Variants in TMEM237 observed in about 807,000 individuals in gnomAD.
TMEM237 encodes amyotrophic lateral sclerosis 2 (juvenile) chromosome region, candidate 4.
A neutral mutation model predicts 59.1 loss-of-function variants in TMEM237; 51 were observed. The observed-to-expected ratio is 0.86, with a 90% CI of 0.69 to 1.09. The LOEUF is 1.09. TMEM237 is among the 50% of genes least tolerant of loss of function. The pLI, the probability that TMEM237 is intolerant of heterozygous loss-of-function variation, is 0.00. For synonymous variants in TMEM237, 140 were observed against 166.1 expected (o/e 0.84, Z 1.21); for missense variants, 475 against 478.3 (o/e 0.99, Z 0.06).
At chr2:201,642,474 C>G (rs1306669840) in intron 1 of TMEM237, 1 of 991,844 alleles carries the variant, frequency 1.0e-6, no homozygotes, top group East Asian at 2.9e-5. Context: ...GGGCTCTGTT[C>G]ACGTAACTGA....
chr2:201,633,763 C>T lies in TMEM237; in HGVS notation c.275-332G>A, dbSNP rs114081790. Among the ~76,000 whole-genome samples, 321 of 152,268 alleles carry T rather than the reference C, an allele frequency of 2.1e-3. 1 individual carries two copies. The highest frequency in any genetic ancestry group is 7.3e-3 in the African/African-American group (305 of 41,554). The stretch of plus-strand genomic sequence containing the variant: ...TCACACTCACAATTATGGTTTACTA[C>T]AGCAAATGGATATAAAGCAAAATCA... On this transcript the variant is annotated intron_variant, in intron 5 of 12. Transcript: ENST00000409883.
intron 4 of TMEM237, among the ~76,000 whole-genome samples, chr2:201,637,675 G>A (rs946106939): frequency 2.0e-5 from 3 of 151,230 alleles, no homozygotes; most frequent in Admixed American, 1.3e-4. Flanking sequence ...AACCCAGGAG[G>A]TGGAGGTTGC....
At chr2:201,632,669 C>T (rs991045652) in intron 6 of TMEM237, among the ~76,000 whole-genome samples, 1 of 152,158 alleles carries the variant, frequency 6.6e-6, no homozygotes, top group Non-Finnish European at 1.5e-5. Context: ...GTTTGCTTCA[C>T]CTTCCACCAT....
chr2:201,626,450 A>G (rs1957759610), intron 11 of TMEM237: 1 of 188,924 alleles, frequency 5.3e-6, no homozygotes, highest in South Asian at 1.6e-4. Flanking sequence ...TCCTCAATAA[A>G]GTATCTTTGC....
intron 6 of TMEM237, among the ~76,000 whole-genome samples, chr2:201,632,759 G>A (rs1957819007): frequency 6.6e-6 from 1 of 152,186 alleles, no homozygotes; most frequent in Admixed American, 6.5e-5. Flanking sequence ...AAATTATCCA[G>A]TCTCGGGTAT....
chr2:201,628,463 C>T (rs1399075934), intron 9 of TMEM237, among the ~76,000 whole-genome samples: 4 of 152,002 alleles, frequency 2.6e-5, no homozygotes, highest in Non-Finnish European at 5.9e-5. Context: ...GGCTCTAACT[C>T]GGTGGATTTT....
intron 6 of TMEM237, among the ~76,000 whole-genome samples, chr2:201,633,025 T>C (rs1687208372): frequency 1.3e-5 from 2 of 152,184 alleles, no homozygotes; most frequent in Admixed American, 1.3e-4. Context: ...ATCCTTAATG[T>C]TTAATTTTGC....
Position 201,635,304 on chromosome 2 carries a change from A to AG in TMEM237, c.274+1443dup, listed in dbSNP as rs1687275791. On this transcript the variant is annotated intron_variant, in intron 5 of 12. Coordinates refer to ENST00000409883, the MANE Select transcript of TMEM237 (RefSeq NM_001044385.3). The surrounding 1 kb of genome is among the most constrained non-coding windows in gnomAD (Gnocchi z 4.5). ...TTGCAGATGAAATCAAGTTAAGATGAGGTCATGCTAGATTGGAATGGGCCC... is the reference window on the plus strand; with the variant it reads ...TTGCAGATGAAATCAAGTTAAGATGAGGGTCATGCTAGATTGGAATGGGCCC... Among the ~76,000 whole-genome samples the AG allele has an allele frequency of 6.6e-6, 1 of 152,232 alleles. No individual in the cohort carries two copies.
At position 201,623,239 on chromosome 2, in the gene TMEM237, C is replaced by A; in HGVS notation, c.*1016G>T. 2.3e-6 allele frequency: 1 copy of A among 437,390 alleles called. No homozygotes were observed. The highest frequency in any genetic ancestry group is 1.6e-5 in the South Asian group (1 of 60,726). 27.1% of individuals were successfully genotyped at this position (437,390 alleles called of 1,614,324 possible). ...GGCTCAATAGTTTTATTGATGTGCTCAACAGCCTTTGAAACATTTTTTCCC... is the reference window on the plus strand; with the variant it reads ...GGCTCAATAGTTTTATTGATGTGCTAAACAGCCTTTGAAACATTTTTTCCC... On this transcript the variant is annotated 3_prime_UTR_variant, in exon 13 of 13. Coordinates refer to ENST00000409883, the MANE Select transcript of TMEM237 (RefSeq NM_001044385.3).
Position 201,628,060 on chromosome 2 carries a change from T to TA in TMEM237, c.943+15dup, listed in dbSNP as rs1486953270. The TA allele has an allele frequency of 3.8e-6, 6 of 1,595,526 alleles. No homozygotes were observed. The highest frequency in any genetic ancestry group is 1.7e-4 in the Middle Eastern group (1 of 6,046). ...CTGAAGTATTACACAGTTATCATGT[T>TA]AAACTGCTTACTCACAGAAAGATGC... On this transcript the variant is annotated intron_variant, in intron 10 of 12. Coordinates refer to ENST00000409883, the MANE Select transcript of TMEM237 (RefSeq NM_001044385.3).
rs562340433 is a variant in TMEM237, at chr2:201,624,687, C to T, written c.1160-365G>A. Among the ~76,000 whole-genome samples the T allele has an allele frequency of 5.3e-5, 8 of 152,228 alleles. No homozygotes were observed. In the East Asian group the frequency reaches 1.2e-3, roughly 22 times the overall value. On this transcript the variant is annotated intron_variant, in intron 12 of 12. Transcript: ENST00000409883. ...TCATCTGAAACATAGGGGACAGATA[C>T]AGAGGAAGGACTTGGAACTAACAAG...
intron 1 of TMEM237, among the ~76,000 whole-genome samples, chr2:201,641,135 G>A (rs905091197): frequency 6.6e-6 from 1 of 152,208 alleles, no homozygotes; most frequent in Non-Finnish European, 1.5e-5. Context: ...GGGATTACAG[G>A]CACCCACCAC....
At chr2:201,627,528 A>G in intron 10 of TMEM237, 114 bp from the exon 11 acceptor site, 1 of 667,850 alleles carries the variant, frequency 1.5e-6, no homozygotes, top group Non-Finnish European at 2.4e-6. Flanking sequence ...TATAAAAGAA[A>G]TTTATTTGAC....
At chr2:201,633,850 C>T (rs1166236044) in intron 5 of TMEM237, among the ~76,000 whole-genome samples, 1 of 152,182 alleles carries the variant, frequency 6.6e-6, no homozygotes, top group East Asian at 1.9e-4. Context: ...TCCAAGAGTC[C>T]TCTATCAGTG....
rs148539631 is a variant in TMEM237 at position 201,621,321 on chromosome 2, G to A, written c.*2934C>T. 32 of 152,240 alleles carry A rather than the reference G, an allele frequency of 2.1e-4. No individual in the cohort carries two copies. The highest frequency in any genetic ancestry group is 7.7e-4 in the African/African-American group (32 of 41,532). 9.4% of individuals were successfully genotyped at this position (152,240 alleles called of 1,614,324 possible). Reference sequence around the variant, plus strand: ...AAATTAGAATGGTACCGCCAACTCTGGAAAACAGCTTGGCAGTTTGTAACT... The same window carrying A: ...AAATTAGAATGGTACCGCCAACTCTAGAAAACAGCTTGGCAGTTTGTAACT... On this transcript the variant is annotated 3_prime_UTR_variant, in exon 13 of 13. Coordinates refer to ENST00000409883, the MANE Select transcript of TMEM237 (RefSeq NM_001044385.3).
chr2:201,626,326 T>C, intron 11 of TMEM237, 179 bp from the exon 12 acceptor site: 1 of 614,224 alleles, frequency 1.6e-6, no homozygotes. Context: ...AGAACAAGGG[T>C]TCAAAGGTTA....
Position 201,623,580 on chromosome 2 carries a change from T to C in TMEM237, c.*675A>G, listed in dbSNP as rs1414952759. 1 of 152,534 alleles carries C rather than the reference T, an allele frequency of 6.6e-6. No individual in the cohort carries two copies. Among genetic ancestry groups the C allele is most frequent in the Non-Finnish European group, 1.5e-5 (1 of 68,294 alleles). The allele number at this position is 152,534 out of a possible 1,614,324, so 9.4% of individuals were successfully genotyped here. On this transcript the variant is annotated 3_prime_UTR_variant, in exon 13 of 13. Transcript: ENST00000409883. ...CTCAGCCTCTTTTGCTACATAGATT[T>C]TTAAAATCTCCCTCTATGATCCTGA...
At chr2:201,629,470 A>G in intron 8 of TMEM237, 49 bp from the exon 9 acceptor site, 1 of 1,446,722 alleles carries the variant, frequency 6.9e-7, no homozygotes, top group South Asian at 1.6e-5. Flanking sequence ...TAAAGTAAAA[A>G]GCTAAAACAT....
intron 6 of TMEM237, 67 bp from the exon 7 acceptor site, chr2:201,632,275 C>A: frequency 6.4e-7 from 1 of 1,553,448 alleles, no homozygotes; most frequent in Non-Finnish European, 8.8e-7. Context: ...ACATAAGGAA[C>A]TAGCTATAAA....
Sources: allele counts gnomAD v4.1 joint callset (sites outside exome capture counted in the v4.1 genomes callset), GRCh38; gene constraint gnomAD v4.1.1; non-coding constraint Gnocchi (gnomAD v3.1); transcripts MANE v1.5; gene names NCBI Gene and HGNC (gene_info 2026-07-23, HGNC 2026-07-21).